GRIN2A: variants seen among roughly 807,000 people sequenced by gnomAD.
GRIN2A encodes the protein glutamate receptor ionotropic, NMDA 2A.
Under a neutral mutation model 113.4 loss-of-function variants are expected in GRIN2A, and 22 were observed. The observed-to-expected ratio is 0.19, with a 90% CI of 0.14 to 0.28. The LOEUF is 0.28. Ranked by LOEUF, GRIN2A falls within the 10% of genes least tolerant of loss-of-function variation. The pLI is 1.00. For synonymous variants in GRIN2A, 827 were observed against 738.4 expected (o/e 1.12, Z -1.94); for missense variants, 1,502 against 1,887.0 (o/e 0.80, Z 3.78).
chr16:9,971,770 G>T (rs537193310), intron 2 of GRIN2A, among the ~76,000 whole-genome samples: 1 of 151,974 alleles, frequency 6.6e-6, no homozygotes, highest in East Asian at 1.9e-4. Flanking sequence ...TCTCTTAACA[G>T]ATTCCCTCCC....
chr16:9,951,456 G>C (rs184723118), intron 2 of GRIN2A, among the ~76,000 whole-genome samples: 1 of 152,306 alleles, frequency 6.6e-6, no homozygotes, highest in Admixed American at 6.5e-5. Flanking sequence ...GTTTGTGTTT[G>C]TGTATGTGCG....
intron 2 of GRIN2A, among the ~76,000 whole-genome samples, chr16:10,005,957 A>G (rs779916125): frequency 1.3e-5 from 2 of 152,244 alleles, no homozygotes; most frequent in African/African-American, 2.4e-5. Flanking sequence ...ATAAGTTCTT[A>G]AGGGATAGCT....
At chr16:9,787,790 G>T (rs1325684827) in intron 11 of GRIN2A, among the ~76,000 whole-genome samples, 2 of 152,122 alleles carry the variant, frequency 1.3e-5, no homozygotes, top group African/African-American at 4.8e-5. Flanking sequence ...CCTCTCAAAC[G>T]AGGTTTTCAG....
At chr16:10,122,711 G>A (rs1319309063) in intron 2 of GRIN2A, among the ~76,000 whole-genome samples, 1 of 152,130 alleles carries the variant, frequency 6.6e-6, no homozygotes, top group African/African-American at 2.4e-5. Context: ...CATGAAAAGG[G>A]TGCAGACCTT....
chr16:9,850,499 T>C (rs1186205090), intron 4 of GRIN2A, among the ~76,000 whole-genome samples: 1 of 151,762 alleles, frequency 6.6e-6, no homozygotes, highest in Non-Finnish European at 1.5e-5. Context: ...TGTTTCTAAG[T>C]ATAAAGGAGA....
intron 5 of GRIN2A, among the ~76,000 whole-genome samples, chr16:9,841,354 A>T (rs2042675596): frequency 6.6e-6 from 1 of 152,236 alleles, no homozygotes; most frequent in Non-Finnish European, 1.5e-5. Context: ...TAAAGGCTTC[A>T]TACTAATTGT....
chr16:9,783,822 T>G (rs981881), intron 11 of GRIN2A, among the ~76,000 whole-genome samples: 63,081 of 152,036 alleles, frequency 0.41, 13,602 homozygotes, highest in African/African-American at 0.54. Flanking sequence ...TTCTTAAACC[T>G]TATGGATGGA....
At chr16:9,992,189 A>C (rs2046128430) in intron 2 of GRIN2A, among the ~76,000 whole-genome samples, 1 of 152,194 alleles carries the variant, frequency 6.6e-6, no homozygotes, top group Non-Finnish European at 1.5e-5. Flanking sequence ...TTCTTTATCC[A>C]ATGATCCGTT....
intron 8 of GRIN2A, among the ~76,000 whole-genome samples, chr16:9,830,964 G>A (rs1475897456): frequency 6.6e-6 from 1 of 151,776 alleles, no homozygotes; most frequent in Admixed American, 6.6e-5. Context: ...CAGCTATTTA[G>A]GAATCAGATG....
intron 3 of GRIN2A, among the ~76,000 whole-genome samples, chr16:9,910,467 T>C (rs2044111061): frequency 6.6e-6 from 1 of 151,740 alleles, no homozygotes; most frequent in African/African-American, 2.4e-5. Context: ...CAATAAGTAG[T>C]TGAAAAGCAG....
At chr16:9,773,977 G>A (rs367732929) in intron 11 of GRIN2A, among the ~76,000 whole-genome samples, 5 of 105,010 alleles carry the variant, frequency 4.8e-5, no homozygotes, top group Admixed American at 9.6e-5. Context: ...AGGCAGTGTT[G>A]TGTGTGTGTG....
At chr16:9,862,006 G>A (rs2043077339) in intron 4 of GRIN2A, among the ~76,000 whole-genome samples, 1 of 152,204 alleles carries the variant, frequency 6.6e-6, no homozygotes, top group Non-Finnish European at 1.5e-5. Context: ...TCTCTGGAGT[G>A]TTGGAATCAG....
chr16:9,983,686 G>A (rs554495002), intron 2 of GRIN2A, among the ~76,000 whole-genome samples: 11 of 152,186 alleles, frequency 7.2e-5, no homozygotes, highest in South Asian at 4.1e-4. Flanking sequence ...TGATCCACCC[G>A]CCTTGGCCTC....
chr16:9,832,099 T>A lies in GRIN2A; in HGVS notation c.1777+2006A>T, dbSNP rs534444187. Among the ~76,000 whole-genome samples the A allele has an allele frequency of 2.6e-4, 37 of 145,012 alleles. 1 individual carries two copies. The East Asian group carries it at 6.3e-3, about 25-fold the overall frequency. Reference sequence around the variant, plus strand: ...ACGCCAGGCTTATTTTATTTATTTATTTATTTATTTATTTATTTATTTATT... The same window carrying A: ...ACGCCAGGCTTATTTTATTTATTTAATTATTTATTTATTTATTTATTTATT... On this transcript the variant is annotated intron_variant, in intron 8 of 12. Coordinates refer to ENST00000330684, the MANE Select transcript of GRIN2A (RefSeq NM_001134407.3).
chr16:10,119,731 T>C (rs1295806113), intron 2 of GRIN2A, among the ~76,000 whole-genome samples: 1 of 152,144 alleles, frequency 6.6e-6, no homozygotes, highest in Non-Finnish European at 1.5e-5. Flanking sequence ...CTCTCCCTCC[T>C]CCCACCCTCC....
chr16:10,021,242 T>C (rs1227571819), intron 2 of GRIN2A, among the ~76,000 whole-genome samples: 5 of 152,220 alleles, frequency 3.3e-5, no homozygotes, highest in Non-Finnish European at 4.4e-5. Flanking sequence ...ATGAATGGAC[T>C]GGTCAATGAC....
rs148519052 is a variant in GRIN2A at position 9,985,427 on chromosome 16, G to C, written c.415-46876C>G. Among the ~76,000 whole-genome samples, 321 of 152,250 alleles carry C rather than the reference G, an allele frequency of 2.1e-3. 2 individuals are homozygous for C. The highest frequency in any genetic ancestry group is 7.2e-3 in the African/African-American group (301 of 41,548). On this transcript the variant is annotated intron_variant, in intron 2 of 12. Coordinates refer to ENST00000330684, the MANE Select transcript of GRIN2A (RefSeq NM_001134407.3). ...TTGCAGCACTACTCACAATAGCCAA[G>C]ATTTGGAATCAACCTAAATGTCAAC...
intron 2 of GRIN2A, among the ~76,000 whole-genome samples, chr16:9,949,099 T>G (rs1291304765): frequency 1.3e-5 from 2 of 152,166 alleles, no homozygotes; most frequent in Non-Finnish European, 2.9e-5. Context: ...CTCTCTCCCC[T>G]CCACCTCCAC....
At chr16:9,956,360 G>C (rs2045310791) in intron 2 of GRIN2A, among the ~76,000 whole-genome samples, 1 of 152,058 alleles carries the variant, frequency 6.6e-6, no homozygotes, top group Non-Finnish European at 1.5e-5. Flanking sequence ...TGCAAGTCCT[G>C]GTTTATCACG....
Sources: gnomAD v4.1 joint callset for allele counts (sites outside exome capture counted in the v4.1 genomes callset) on GRCh38, gnomAD v4.1.1 for gene constraint, MANE v1.5 for transcripts, NCBI Gene and HGNC (gene_info 2026-07-23, HGNC 2026-07-21) for gene names.